NEB: variants seen among roughly 807,000 people sequenced by gnomAD.
NEB encodes nebulin, also known as nemaline myopathy type 2.
Under a neutral mutation model 952.2 loss-of-function variants are expected in NEB, and 512 were observed. The ratio of observed to expected loss-of-function variants is 0.54; its 90% confidence interval spans 0.50 to 0.58. The LOEUF (loss-of-function observed/expected upper bound fraction) is 0.58, where lower values mean the gene tolerates loss of function less well. NEB is among the 20% of genes least tolerant of loss of function. The pLI is 0.00. For missense variants in NEB, 8,428 were observed against 9,231.1 expected (o/e 0.91, Z 3.56); for synonymous variants, 2,900 against 3,149.8 (o/e 0.92, Z 2.66).
At chr2:151,562,472 G>A in intron 120 of NEB, 139 bp downstream of exon 120, 6 of 855,070 alleles carry the variant, frequency 7.0e-6, no homozygotes, top group Non-Finnish European at 1.1e-5. Flanking sequence ...CCAAAAAGTG[G>A]CTCATGCCAC....
chr2:151,487,861 C>T (rs969393759), intron 181 of NEB, among the ~76,000 whole-genome samples: 7 of 152,086 alleles, frequency 4.6e-5, no homozygotes, highest in Admixed American at 4.6e-4. Context: ...AAGCAGTCCT[C>T]CCACCTCCTA....
chr2:151,691,749 T>C (rs1337843009), intron 23 of NEB, 115 bp downstream of exon 23: 2 of 841,386 alleles, frequency 2.4e-6, no homozygotes, highest in Non-Finnish European at 3.9e-6. Flanking sequence ...AAATGTAAAA[T>C]GTAATTATCT....
chr2:151,624,182 A>G (rs1259651683), intron 71 of NEB, among the ~76,000 whole-genome samples: 3 of 152,156 alleles, frequency 2.0e-5, no homozygotes, highest in African/African-American at 7.2e-5. Flanking sequence ...GTATGTATTC[A>G]TGGGGGATGA....
At chr2:151,709,621 A>C (rs758913668) in intron 12 of NEB, 35 bp downstream of exon 12, 9 of 1,497,274 alleles carry the variant, frequency 6.0e-6, no homozygotes, top group Non-Finnish European at 7.3e-6. Context: ...ACCCACACTC[A>C]AACCATCAAG....
Position 151,690,772 on chromosome 2 carries a change from A to T in NEB, c.2265T>A (p.Ser755=). 6.3e-7 allele frequency: 1 copy of T among 1,599,680 alleles called. No individual in the cohort carries two copies. Among genetic ancestry groups the T allele is most frequent in the Non-Finnish European group, 8.5e-7 (1 of 1,172,830 alleles). Residue 755 remains serine, a synonymous_variant, in exon 24 of 182, where the codon TCT becomes TCA. Transcript: ENST00000397345. ...TGAGCTGGGCTTGCAACAGTACAGGAGAATCAGTGACTGCCGTGAATTTGG... is the reference window on the plus strand; with the variant it reads ...TGAGCTGGGCTTGCAACAGTACAGGTGAATCAGTGACTGCCGTGAATTTGG... The part of the protein sequence containing the change: ...DKTKFTAVTD[S]PVLLQAQLNT...
Position 151,526,207 on chromosome 2 carries a change from T to G in NEB, c.22001A>C (p.Asp7334Ala), listed in dbSNP as rs775606813. The G allele has an allele frequency of 1.9e-6, 3 of 1,613,924 alleles. No individual in the cohort carries two copies. Among genetic ancestry groups the G allele is most frequent in the Non-Finnish European group, 2.5e-6 (3 of 1,179,838 alleles). Residue 7334 changes from aspartate (D) to alanine (A), a missense_variant, in exon 149 of 182, where the codon GAC (aspartate) becomes GCC (alanine). Asp to Ala is a moderately radical substitution (Grantham distance 126). Coordinates refer to ENST00000397345, the MANE Select transcript of NEB (RefSeq NM_001164508.2). ...CTTCGCCAGCAGGATCTGAGGCGTG[T>G]CAGGTACGGCATGGCAGGTTCCTCT... ...KERGTCHAVP[D>A]TPQILLAKTV...
At chr2:151,530,020 G>C in intron 145 of NEB, among the ~76,000 whole-genome samples, 2 of 152,266 alleles carry the variant, frequency 1.3e-5, no homozygotes, top group Middle Eastern at 3.4e-3. Context: ...TGCTCCGGCA[G>C]TTATAGCTAT....
chr2:151,619,322 C>A, intron 73 of NEB, 129 bp downstream of exon 73: 1 of 1,082,114 alleles, frequency 9.2e-7, no homozygotes, highest in East Asian at 2.5e-5. Flanking sequence ...TGGGAAACTC[C>A]TTTCAGACAT....
chr2:151,633,697 C>T lies in NEB; in HGVS notation c.9371G>A (p.Ser3124Asn), dbSNP rs748600035. Residue 3124 changes from serine to asparagine, a missense_variant, in exon 65 of 182, where the codon AGC becomes AAC. Physicochemically the swap from Ser to Asn is conservative, Grantham distance 46. Around this residue, in one of 11 missense-constraint regions of NEB, gnomAD observed 1,772 missense variants for 1,960.3 expected, o/e 0.90. Coordinates refer to ENST00000397345, the MANE Select transcript of NEB (RefSeq NM_001164508.2). ...GGCCTGCCGAGCATGGATGACATCG[C>T]TCTGGTCAGGCAGGCATGTCCACTC... ...LHEWTCLPDQ[S>N]DVIHARQAYD... 2 of 1,613,866 alleles carry T rather than the reference C, an allele frequency of 1.2e-6. No homozygotes were observed. Among genetic ancestry groups the T allele is most frequent in the South Asian group, 1.1e-5 (1 of 91,084 alleles).
At chr2:151,611,405 G>T (rs2097953926) in intron 78 of NEB, among the ~76,000 whole-genome samples, 3 of 152,106 alleles carry the variant, frequency 2.0e-5, no homozygotes, top group African/African-American at 7.2e-5. Context: ...GATTCCTATT[G>T]CTGTTATCAT....
intron 107 of NEB, among the ~76,000 whole-genome samples, chr2:151,574,823 C>G (rs1288881642): frequency 6.6e-6 from 1 of 152,086 alleles, no homozygotes; most frequent in Non-Finnish European, 1.5e-5. Context: ...CCTCTTCCTC[C>G]TGGGCTCAAG....
rs1412224941 is a variant in NEB, at chr2:151,531,834, T to C, written c.21480A>G (p.Pro7160=). ...TGACTTTTGTAGTACGCAGGTGTTC[T>C]GGAGTATCCACAATTGAGGTAAATT... is the stretch of plus-strand genomic sequence containing the variant. ...KDKFTSIVDT[P]EHLRTTKVNK... is the part of the protein sequence containing the mutation. The change falls in exon 144 of 182, where the codon CCA becomes CCG. Residue 7160 remains proline, a synonymous_variant. Transcript: ENST00000397345. 3 of 1,613,076 alleles carry C rather than the reference T, an allele frequency of 1.9e-6. No homozygotes were observed. Among genetic ancestry groups the C allele is most frequent in the Admixed American group, 3.3e-5 (2 of 59,968 alleles).
Position 151,565,897 on chromosome 2 carries a change from T to C in NEB, c.18157-77A>G. On this transcript the variant is annotated intron_variant, in intron 114 of 181. Coordinates refer to ENST00000397345, the MANE Select transcript of NEB (RefSeq NM_001164508.2). ...CTTACAGAGGGCAGGTTACAATTTT[T>C]TCAGAAGCTTTTAAAGGATTTCTCT... The C allele has an allele frequency of 4.4e-6, 4 of 914,472 alleles. No homozygotes were observed. In the South Asian group the frequency reaches 4.7e-5, roughly 11 times the overall value. 56.6% of individuals were successfully genotyped at this position (914,472 alleles called of 1,614,324 possible).
chr2:151,620,343 G>GTATGTA (rs1331796136), intron 72 of NEB, among the ~76,000 whole-genome samples: 9 of 48,894 alleles, frequency 1.8e-4, no homozygotes, highest in African/African-American at 5.4e-4. Context: ...ATATGTATGT[G>GTATGTA]TGTGTATATA....
At position 151,642,967 on chromosome 2, in the gene NEB, T is replaced by G. The variant is rs915580216; in HGVS notation, c.8161-98A>C. 8.2e-6 allele frequency: 10 copies of G among 1,213,410 alleles called. No homozygotes were observed. The African/African-American group carries it at 1.5e-4, about 19-fold the overall frequency. 75.2% of individuals were successfully genotyped at this position (1,213,410 alleles called of 1,614,324 possible). On this transcript the variant is annotated intron_variant, in intron 58 of 181. Coordinates refer to ENST00000397345, the MANE Select transcript of NEB (RefSeq NM_001164508.2). ...ATGAGAATCAAGAATTTCAGCTCAG[T>G]GAATCGGTATTTGTGACATTTTCAG...
At chr2:151,526,321 A>T in intron 148 of NEB, 59 bp from the exon 149 acceptor site, 1 of 1,146,670 alleles carries the variant, frequency 8.7e-7, no homozygotes, top group Non-Finnish European at 1.3e-6. Flanking sequence ...ACATATTTTT[A>T]TTACACCCTC....
At chr2:151,553,782 C>T (rs1332994192) in intron 126 of NEB, 46 bp downstream of exon 126, 4 of 1,533,564 alleles carry the variant, frequency 2.6e-6, no homozygotes, top group East Asian at 2.3e-5. Context: ...TGGGTGGGGC[C>T]GTGGGGCGGG....
rs34116466 is a variant in NEB at position 151,719,886 on chromosome 2, C to CAAAAAA, written c.718-2372_718-2367dup. Among the ~76,000 whole-genome samples, 110 of 103,508 alleles carry CAAAAAA rather than the reference C, an allele frequency of 1.1e-3. 1 individual carries two copies. Among genetic ancestry groups the CAAAAAA allele is most frequent in the African/African-American group, 3.7e-3 (93 of 24,880 alleles). 67.9% of individuals were successfully genotyped at this position (103,508 alleles called of 152,430 possible). A position where few individuals can be genotyped will look rare whatever the true frequency, so the allele number is the denominator to read the frequency against. ...TGGGTGAGAGAGTGAGACCCTGTCTCAAAAAAAAAAAAAAAAAAATACAAA... is the reference window on the plus strand; with the variant it reads ...TGGGTGAGAGAGTGAGACCCTGTCTCAAAAAAAAAAAAAAAAAAAAAAAAATACAAA... On this transcript the variant is annotated intron_variant, in intron 9 of 181. Coordinates refer to ENST00000397345, the MANE Select transcript of NEB (RefSeq NM_001164508.2).
Position 151,625,589 on chromosome 2 carries a change from A to G in NEB, c.10397T>C (p.Met3466Thr). The G allele has an allele frequency of 6.2e-7, 1 of 1,607,012 alleles. No homozygotes were observed. The highest frequency in any genetic ancestry group is 1.1e-5 in the South Asian group (1 of 90,228). ...CAACATGATTTCAGGTGTATCAGGCATAATATGGACTTGGGTCTTGTCTTT... is the reference window on the plus strand; with the variant it reads ...CAACATGATTTCAGGTGTATCAGGCGTAATATGGACTTGGGTCTTGTCTTT... ...WDKDKTQVHI[M>T]PDTPEIMLAR... Residue 3466 changes from methionine to threonine, a missense_variant, in exon 71 of 182, where the codon ATG becomes ACG. Physicochemically the swap from Met to Thr is moderately conservative, Grantham distance 81. Coordinates refer to ENST00000397345, the MANE Select transcript of NEB (RefSeq NM_001164508.2).
Sources: gnomAD v4.1 joint callset for allele counts (sites outside exome capture counted in the v4.1 genomes callset) on GRCh38, gnomAD v4.1.1 for gene constraint, gnomAD v4.1.1 regional missense constraint, MANE v1.5 for transcripts, NCBI Gene and HGNC (gene_info 2026-07-23, HGNC 2026-07-21) for gene names.